The following ACVR2A variants were observed in gnomAD, a reference collection of about 807,000 sequenced individuals.
ACVR2A encodes activin receptor type-2A.
A neutral mutation model predicts 61.4 loss-of-function variants in ACVR2A; 7 were observed. The ratio of observed to expected loss-of-function variants is 0.11; its 90% CI spans 0.06 to 0.21. The LOEUF (loss-of-function observed/expected upper bound fraction) is 0.21. Among genes scored for constraint, ACVR2A ranks in the 10% least tolerant of loss-of-function variants. The probability of loss-of-function intolerance (pLI) is 1.00; values close to 1 mark genes in which losing one functional copy is unlikely to be tolerated. For synonymous variants in ACVR2A, 193 were observed against 208.3 expected, an observed-to-expected ratio of 0.93 and a Z score of 0.63; for missense variants, 322 against 621.7, an observed-to-expected ratio of 0.52 and a Z score of 5.13.
At chr2:147,901,936 A>G (rs1297555780) in intron 4 of ACVR2A, among the ~76,000 whole-genome samples, 3 of 152,148 alleles carry the variant, frequency 2.0e-5, no homozygotes, top group South Asian at 2.1e-4. Flanking sequence ...CCATCATGTA[A>G]CAAAAGGCTT....
At chr2:147,868,725 A>G (rs1313764275) in intron 1 of ACVR2A, among the ~76,000 whole-genome samples, 1 of 151,938 alleles carries the variant, frequency 6.6e-6, no homozygotes, top group Admixed American at 6.6e-5. Flanking sequence ...TCCACCTCCC[A>G]GGCCCAAGCG....
At position 147,909,896 on chromosome 2, in the gene ACVR2A, C is replaced by T. The variant is rs187923043; in HGVS notation, c.529-5295C>T. On this transcript the variant is annotated intron_variant, in intron 4 of 10. Transcript: ENST00000241416. ...AGCTCAAAGATCCTCCTGCCTTGGCCTCCCAAAATGCAGAGATTATAGGTA... is the reference window on the plus strand; with the variant it reads ...AGCTCAAAGATCCTCCTGCCTTGGCTTCCCAAAATGCAGAGATTATAGGTA... Among the ~76,000 whole-genome samples, 178 of 152,268 alleles carry T rather than the reference C, an allele frequency of 1.2e-3. 1 individual carries two copies. The Middle Eastern group carries it at 0.02, about 17-fold the overall frequency.
At chr2:147,919,897 A>C (rs1295128290) in intron 7 of ACVR2A, among the ~76,000 whole-genome samples, 2 of 152,152 alleles carry the variant, frequency 1.3e-5, no homozygotes, top group Non-Finnish European at 2.9e-5. Flanking sequence ...GGGAGTTTGC[A>C]AATCAGAACT....
intron 1 of ACVR2A, among the ~76,000 whole-genome samples, chr2:147,879,269 A>G (rs1356734383): frequency 1.3e-5 from 2 of 152,180 alleles, no homozygotes; most frequent in East Asian, 1.9e-4. Flanking sequence ...GGAGACTCCA[A>G]GATCAAGGCA....
Position 147,899,831 on chromosome 2 carries a change from TCATTTGTG to T in ACVR2A, c.467_474del (p.Cys156LeufsTer55). The T allele has an allele frequency of 6.2e-7, 1 of 1,613,814 alleles. No individual in the cohort carries two copies. Among genetic ancestry groups the T allele is most frequent in the Non-Finnish European group, 8.5e-7 (1 of 1,179,778 alleles). On this transcript the variant is annotated frameshift_variant, in exon 4 of 11. Coordinates refer to ENST00000241416, the MANE Select transcript of ACVR2A (RefSeq NM_001616.5). LOFTEE classifies it high-confidence loss of function. Reference sequence around the variant, plus strand: ...CCACTTATGTTAATTGCGGGGATTGTCATTTGTGCATTTTGGGTGTACAGGCATCACAA... The same window carrying T: ...CCACTTATGTTAATTGCGGGGATTGTCATTTTGGGTGTACAGGCATCACAA...
intron 1 of ACVR2A, among the ~76,000 whole-genome samples, chr2:147,868,206 G>A (rs1027811800): frequency 4.6e-5 from 7 of 152,174 alleles, no homozygotes; most frequent in African/African-American, 1.7e-4. Flanking sequence ...TCTGGACCTT[G>A]GAAGAATGAT....
chr2:147,896,576 GGAAA>G (rs892556695), intron 2 of ACVR2A, 68 bp downstream of exon 2: 2 of 1,466,780 alleles, frequency 1.4e-6, no homozygotes, highest in African/African-American at 2.8e-5. Context: ...TTTTGAAAGG[GGAAA>G]GATCAGTGCA....
chr2:147,867,008 C>T (rs1685873041), intron 1 of ACVR2A, among the ~76,000 whole-genome samples: 1 of 151,786 alleles, frequency 6.6e-6, no homozygotes, highest in African/African-American at 2.4e-5. Flanking sequence ...CAAGGTGTGT[C>T]CAGAAAGGTA....
chr2:147,864,542 T>C (rs1367223350), intron 1 of ACVR2A, among the ~76,000 whole-genome samples: 2 of 152,142 alleles, frequency 1.3e-5, no homozygotes, highest in African/African-American at 4.8e-5. Context: ...TTATTGTAAC[T>C]TTTAAAGTAT....
chr2:147,927,199 T>C lies in ACVR2A; in HGVS notation c.1467T>C (p.Ile489=), dbSNP rs1400216924. 1.2e-6 allele frequency: 2 copies of C among 1,612,186 alleles called. No individual in the cohort carries two copies. Among genetic ancestry groups the C allele is most frequent in the Admixed American group, 1.7e-5 (1 of 59,812 alleles). The change falls in exon 11 of 11, where the codon ATT becomes ATC. Residue 489 remains isoleucine, a synonymous_variant. Coordinates refer to ENST00000241416, the MANE Select transcript of ACVR2A (RefSeq NM_001616.5). ...AGATGCAGAGACTAACAAATATTAT[T>C]ACCACAGAGGACATTGTAACAGTGG... ...ITQMQRLTNI[I]TTEDIVTVVT...
chr2:147,879,720 A>G (rs551104302), intron 1 of ACVR2A, among the ~76,000 whole-genome samples: 1 of 152,304 alleles, frequency 6.6e-6, no homozygotes, highest in African/African-American at 2.4e-5. Context: ...GAAGCCATTG[A>G]ATGGCTTTAA....
intron 1 of ACVR2A, among the ~76,000 whole-genome samples, chr2:147,881,185 A>G (rs1433776735): frequency 6.6e-6 from 1 of 152,280 alleles, no homozygotes; most frequent in Non-Finnish European, 1.5e-5. Flanking sequence ...ATTCAGTTGA[A>G]TGATAAATCC....
chr2:147,919,219 A>T (rs1471144120), intron 7 of ACVR2A, among the ~76,000 whole-genome samples: 2 of 152,262 alleles, frequency 1.3e-5, no homozygotes, highest in Admixed American at 1.3e-4. Flanking sequence ...CACAGAACAG[A>T]TACTTAGCTG....
intron 1 of ACVR2A, among the ~76,000 whole-genome samples, chr2:147,856,142 T>A (rs1456907901): frequency 6.6e-6 from 1 of 152,190 alleles, no homozygotes; most frequent in African/African-American, 2.4e-5. Context: ...GTATTCAGCT[T>A]GAATGTTTTT....
rs182010313 is a variant in ACVR2A, at chr2:147,871,265, T to G, written c.56-25036T>G. Among the ~76,000 whole-genome samples, 9 of 152,246 alleles carry G rather than the reference T, an allele frequency of 5.9e-5. No homozygotes were observed. The East Asian group carries it at 1.7e-3, about 29-fold the overall frequency. On this transcript the variant is annotated intron_variant, in intron 1 of 10. Coordinates refer to ENST00000241416, the MANE Select transcript of ACVR2A (RefSeq NM_001616.5). ...TTGCTAGGAAGAAATTGTTTTTCCT[T>G]TGTCTTTGTCAATGTTGAGTAAATG...
chr2:147,926,170 T>C lies in ACVR2A; in HGVS notation c.1347+9T>C, dbSNP rs1320621010. ...ATTGGCAGAAACATGCTGTAAGTTA[T>C]CCAGTTAGCTTTTCATTTGAAATTC... On this transcript the variant is annotated intron_variant, in intron 10 of 10. Transcript: ENST00000241416. 3 of 1,598,592 alleles carry C rather than the reference T, an allele frequency of 1.9e-6. No homozygotes were observed. Among genetic ancestry groups the C allele is most frequent in the African/African-American group, 1.4e-5 (1 of 73,772 alleles).
intron 1 of ACVR2A, among the ~76,000 whole-genome samples, chr2:147,867,496 C>A (rs1230385261): frequency 6.6e-6 from 1 of 152,072 alleles, no homozygotes; most frequent in Non-Finnish European, 1.5e-5. Flanking sequence ...TGAGTCTATA[C>A]CTGCTTCCTT....
intron 1 of ACVR2A, among the ~76,000 whole-genome samples, chr2:147,877,183 G>A (rs548697281): frequency 6.6e-6 from 1 of 151,980 alleles, no homozygotes; most frequent in South Asian, 2.1e-4. Context: ...TGAATCTTTT[G>A]GTATCTTTCA....
rs79874527 is a variant in ACVR2A at position 147,895,864 on chromosome 2, A to G, written c.56-437A>G. ...TATTGGGAAAGTTTTTGGGGAGTCA[A>G]AAGTTACACACTGATTTTTGTTTGT... On this transcript the variant is annotated intron_variant, in intron 1 of 10. Coordinates refer to ENST00000241416, the MANE Select transcript of ACVR2A (RefSeq NM_001616.5). 5.6e-3 allele frequency among the ~76,000 whole-genome samples: 856 copies of G among 152,272 alleles called. 7 individuals carry two copies. The highest frequency in any genetic ancestry group is 9.5e-3 in the Non-Finnish European group (644 of 68,008).
Sources: allele counts gnomAD v4.1 joint callset (sites outside exome capture counted in the v4.1 genomes callset), GRCh38; gene constraint gnomAD v4.1.1; transcripts MANE v1.5; gene names NCBI Gene and HGNC (gene_info 2026-07-23, HGNC 2026-07-21).